The following CDH13 variants were observed in gnomAD, a reference collection of about 807,000 sequenced individuals.
The protein encoded by CDH13 is cadherin-13.
Under a neutral mutation model 63.8 loss-of-function variants are expected in CDH13, and 24 were observed. The ratio of observed to expected loss-of-function variants is 0.38; its 90% CI spans 0.27 to 0.53. The LOEUF (loss-of-function observed/expected upper bound fraction) is 0.53. Ranked by LOEUF, CDH13 falls within the 20% of genes least tolerant of loss-of-function variation. CDH13 has a pLI of 0.85. For synonymous variants in CDH13, 503 were observed against 355.3 expected, an observed-to-expected ratio of 1.42 and a Z score of -4.67; for missense variants, 1,049 against 903.1, an observed-to-expected ratio of 1.16 and a Z score of -2.07.
At chr16:82,967,628 G>A (rs997234455) in intron 2 of CDH13, among the ~76,000 whole-genome samples, 1 of 152,142 alleles carries the variant, frequency 6.6e-6, no homozygotes, top group African/African-American at 2.4e-5. Flanking sequence ...GTGATGGCAA[G>A]GCCACTGGAA....
chr16:83,761,468 G>C (rs561520663), intron 11 of CDH13, among the ~76,000 whole-genome samples: 1 of 152,328 alleles, frequency 6.6e-6, no homozygotes, highest in Admixed American at 6.5e-5. Flanking sequence ...AGAGACTCCA[G>C]CGCAGGCATG....
chr16:83,232,816 A>G (rs1414813681), intron 5 of CDH13, among the ~76,000 whole-genome samples: 4 of 152,112 alleles, frequency 2.6e-5, no homozygotes, highest in Non-Finnish European at 4.4e-5. Context: ...AAACCCTCAT[A>G]TTTAGGAATT....
intron 10 of CDH13, among the ~76,000 whole-genome samples, chr16:83,742,820 T>C (rs774194244): frequency 2.0e-5 from 3 of 152,168 alleles, no homozygotes; most frequent in Non-Finnish European, 2.9e-5. Flanking sequence ...TCTGCAGGTG[T>C]GTTTCTGAGT....
intron 6 of CDH13, among the ~76,000 whole-genome samples, chr16:83,387,750 C>G (rs1211484993): frequency 6.6e-6 from 1 of 152,176 alleles, no homozygotes; most frequent in Non-Finnish European, 1.5e-5. Context: ...TGAGAAGAGG[C>G]TCTTAATATG....
In CDH13 at chr16:82,863,794, C is replaced by G. The variant is rs563219350; in HGVS notation, c.157+5321C>G. Among the ~76,000 whole-genome samples the G allele has an allele frequency of 4.7e-4, 72 of 152,224 alleles. 1 individual carries two copies. The highest frequency in any genetic ancestry group is 5.4e-4 in the Non-Finnish European group (37 of 67,994). ...AAAATCATGTTGGCCATTAAAAATACAAACAGGTGAAGAAGCGACTAAAGC... is the reference window on the plus strand; with the variant it reads ...AAAATCATGTTGGCCATTAAAAATAGAAACAGGTGAAGAAGCGACTAAAGC... On this transcript the variant is annotated intron_variant, in intron 2 of 13. Transcript: ENST00000567109.
chr16:83,778,572 G>A (rs1363027407), intron 11 of CDH13, among the ~76,000 whole-genome samples: 1 of 151,862 alleles, frequency 6.6e-6, no homozygotes, highest in Non-Finnish European at 1.5e-5. Flanking sequence ...GTGATTATGA[G>A]GGCCATTATC....
At chr16:83,326,463 C>G (rs8059515) in intron 5 of CDH13, among the ~76,000 whole-genome samples, 83,652 of 149,958 alleles carry the variant, frequency 0.56, 23,384 homozygotes, top group Middle Eastern at 0.65. Flanking sequence ...TGAGAATATT[C>G]CTCTGAACTC....
intron 6 of CDH13, among the ~76,000 whole-genome samples, chr16:83,458,880 G>T (rs1598068494): frequency 6.6e-6 from 1 of 152,332 alleles, no homozygotes; most frequent in South Asian, 2.1e-4. Flanking sequence ...TTGCAGCAAT[G>T]AGAAAACATC....
At chr16:82,816,738 TG>T (rs1216227323) in intron 1 of CDH13, among the ~76,000 whole-genome samples, 1 of 145,730 alleles carries the variant, frequency 6.9e-6, no homozygotes, top group African/African-American at 2.6e-5. Flanking sequence ...GTAGTCCATT[TG>T]GAAGGGTTTA....
chr16:83,420,439 C>T (rs1327634504), intron 6 of CDH13, among the ~76,000 whole-genome samples: 2 of 152,114 alleles, frequency 1.3e-5, no homozygotes, highest in African/African-American at 4.8e-5. Flanking sequence ...GCTTTTATTC[C>T]CATAGATCTC....
At chr16:82,667,786 T>C (rs1228649771) in intron 1 of CDH13, among the ~76,000 whole-genome samples, 1 of 152,162 alleles carries the variant, frequency 6.6e-6, no homozygotes, top group Admixed American at 6.5e-5. Flanking sequence ...TTGCTTTCTA[T>C]GTCCTGAGCT....
intron 3 of CDH13, among the ~76,000 whole-genome samples, chr16:83,094,632 C>G (rs9934641): frequency 0.4 from 60,742 of 152,000 alleles, 12,908 homozygotes; most frequent in Middle Eastern, 0.58. Context: ...TCCAACTTCC[C>G]AGTGGCTGAA....
chr16:83,426,968 C>G (rs147729314), intron 6 of CDH13, among the ~76,000 whole-genome samples: 1,955 of 130,594 alleles, frequency 0.015, 58 homozygotes, highest in African/African-American at 0.055. Flanking sequence ...GCTCTGTCGC[C>G]CAGGCTAGAG....
chr16:82,954,375 G>A (rs148234790), intron 2 of CDH13: 1 of 151,994 alleles, frequency 6.6e-6, no homozygotes, highest in African/African-American at 2.4e-5. Context: ...GAGATACAGG[G>A]GTTTCCAGAA....
Position 83,783,483 on chromosome 16 carries a change from C to A in CDH13, c.2134+11C>A. Reference sequence around the variant, plus strand: ...TCTTCAGCTTAGCTTGTAAGTTGACCTAACTCCAGTGCATGCACAAACAGG... The same window carrying A: ...TCTTCAGCTTAGCTTGTAAGTTGACATAACTCCAGTGCATGCACAAACAGG... On this transcript the variant is annotated intron_variant, in intron 13 of 13. Transcript: ENST00000567109. The A allele has an allele frequency of 6.2e-7, 1 of 1,607,258 alleles. No homozygotes were observed. The highest frequency in any genetic ancestry group is 1.1e-5 in the South Asian group (1 of 90,950).
intron 1 of CDH13, among the ~76,000 whole-genome samples, chr16:82,770,730 C>CA (rs1490645540): frequency 6.6e-6 from 1 of 152,056 alleles, no homozygotes; most frequent in East Asian, 1.9e-4. Context: ...TTTCTGGAGA[C>CA]AGAGTCTCAG....
chr16:83,522,039 G>A (rs1012624219), intron 7 of CDH13, among the ~76,000 whole-genome samples: 3 of 152,140 alleles, frequency 2.0e-5, no homozygotes, highest in South Asian at 2.1e-4. Context: ...GCCTGCATTC[G>A]GGTGCCAGGC....
intron 1 of CDH13, among the ~76,000 whole-genome samples, chr16:82,763,120 G>C (rs1008331097): frequency 6.6e-6 from 1 of 152,150 alleles, no homozygotes; most frequent in Non-Finnish European, 1.5e-5. Context: ...TTGTACCGCA[G>C]GGCCTTTGTA....
chr16:83,563,700 C>G (rs1400949773), intron 7 of CDH13, among the ~76,000 whole-genome samples: 1 of 152,108 alleles, frequency 6.6e-6, no homozygotes, highest in Non-Finnish European at 1.5e-5. Flanking sequence ...AGAACACATA[C>G]TGGACAAGAC....
Sources: gnomAD v4.1 joint callset for allele counts (sites outside exome capture counted in the v4.1 genomes callset) on GRCh38, gnomAD v4.1.1 for gene constraint, MANE v1.5 for transcripts, NCBI Gene and HGNC (gene_info 2026-07-23, HGNC 2026-07-21) for gene names.